DLGAP2: variants seen among roughly 807,000 people sequenced by gnomAD.
DLGAP2 encodes the protein DLG associated protein 2.
A neutral mutation model predicts 100.3 loss-of-function variants in DLGAP2; 26 were observed. The ratio of observed to expected loss-of-function variants is 0.26; its 90% CI spans 0.19 to 0.36. The LOEUF (loss-of-function observed/expected upper bound fraction) is 0.36. DLGAP2 is among the 10% of genes least tolerant of loss of function. The pLI is 1.00. For synonymous variants in DLGAP2, 886 were observed against 630.1 expected (o/e 1.41, Z -6.08); for missense variants, 1,858 against 1,453.2 (o/e 1.28, Z -4.53).
chr8:1,645,996 A>G (rs1798031951), intron 8 of DLGAP2, among the ~76,000 whole-genome samples: 1 of 152,286 alleles, frequency 6.6e-6, no homozygotes, highest in East Asian at 1.9e-4. Context: ...ATAATGCCGC[A>G]CAGTTCTCTG....
intron 3 of DLGAP2, among the ~76,000 whole-genome samples, chr8:1,499,723 T>C (rs7002098): frequency 6.6e-6 from 1 of 151,992 alleles, no homozygotes; most frequent in East Asian, 1.9e-4. Flanking sequence ...TGTGTTTTTT[T>C]AAAAGCTGTA....
chr8:971,334 C>T (rs1043132818), intron 2 of DLGAP2, among the ~76,000 whole-genome samples: 1 of 152,288 alleles, frequency 6.6e-6, no homozygotes, highest in African/African-American at 2.4e-5. Context: ...CACTGTTATC[C>T]TCCTCACAAG....
chr8:1,203,762 C>CACTGT (rs1289702494), intron 2 of DLGAP2, among the ~76,000 whole-genome samples: 1 of 152,194 alleles, frequency 6.6e-6, no homozygotes, highest in Admixed American at 6.5e-5. Flanking sequence ...GATGAAATAT[C>CACTGT]ACTGTTATTC....
At chr8:968,122 T>A (rs1480480460) in intron 2 of DLGAP2, among the ~76,000 whole-genome samples, 2 of 151,840 alleles carry the variant, frequency 1.3e-5, no homozygotes, top group East Asian at 2.0e-4. Context: ...AATTTTAATT[T>A]GGTGACTTCA....
chr8:1,143,285 T>C (rs549029025), intron 2 of DLGAP2, among the ~76,000 whole-genome samples: 6 of 152,304 alleles, frequency 3.9e-5, no homozygotes, highest in Admixed American at 3.9e-4. Flanking sequence ...CACTGAAACA[T>C]AGACATCCTA....
intron 2 of DLGAP2, among the ~76,000 whole-genome samples, chr8:1,204,277 A>G (rs1331107307): frequency 6.6e-6 from 1 of 152,244 alleles, no homozygotes; most frequent in Non-Finnish European, 1.5e-5. Context: ...AAACAGGATG[A>G]GACAATCTCA....
At chr8:1,117,043 T>A (rs917971287) in intron 2 of DLGAP2, among the ~76,000 whole-genome samples, 31 of 152,238 alleles carry the variant, frequency 2.0e-4, no homozygotes, top group African/African-American at 7.5e-4. Context: ...CCTGTGCTTC[T>A]CTGCAGGATC....
intron 1 of DLGAP2, among the ~76,000 whole-genome samples, chr8:761,174 C>G (rs1038482236): frequency 3.9e-5 from 6 of 152,176 alleles, no homozygotes; most frequent in Admixed American, 1.3e-4. Flanking sequence ...GGCCAGGCCC[C>G]TTCTCTGCTC....
At position 1,678,560 on chromosome 8, in the gene DLGAP2, A is replaced by T; in HGVS notation, c.2635A>T (p.Thr879Ser). 6.3e-7 allele frequency: 1 copy of T among 1,588,894 alleles called. No individual in the cohort carries two copies. Among genetic ancestry groups the T allele is most frequent in the Non-Finnish European group, 8.6e-7 (1 of 1,167,942 alleles). Residue 879 changes from threonine to serine, a missense_variant, in exon 12 of 15, where the codon ACA becomes TCA. Physicochemically the swap from Thr to Ser is moderately conservative, Grantham distance 58. Coordinates refer to ENST00000637795, the MANE Select transcript of DLGAP2 (RefSeq NM_001346810.2). Reference protein sequence around the residue: ...SWFLKLLHAETKRMEGWCKEM... With the variant: ...SWFLKLLHAESKRMEGWCKEM... ...GTTTTTGAAGCTGCTGCACGCAGAG[A>T]CAAAGAGGATGGAAGGCTGGTGCAA...
intron 2 of DLGAP2, among the ~76,000 whole-genome samples, chr8:967,565 A>G (rs1799902487): frequency 6.6e-6 from 1 of 151,630 alleles, no homozygotes; most frequent in Admixed American, 6.6e-5. Flanking sequence ...AGCAAGAGGA[A>G]AAGTTCAAAA....
At chr8:1,656,010 T>G (rs1381377943) in intron 8 of DLGAP2, among the ~76,000 whole-genome samples, 1 of 152,130 alleles carries the variant, frequency 6.6e-6, no homozygotes. Context: ...TGTAATGGTA[T>G]TTTAGGTGTT....
At chr8:1,000,085 G>A (rs1584960486) in intron 2 of DLGAP2, among the ~76,000 whole-genome samples, 1 of 143,994 alleles carries the variant, frequency 6.9e-6, no homozygotes, top group Non-Finnish European at 1.5e-5. Flanking sequence ...GGTGGAGGTG[G>A]TTTTCTTTTG....
intron 3 of DLGAP2, among the ~76,000 whole-genome samples, chr8:1,348,683 C>T (rs1382447953): frequency 6.6e-6 from 1 of 152,090 alleles, no homozygotes; most frequent in Non-Finnish European, 1.5e-5. Context: ...GTTGAGTGCC[C>T]AGCAGAGCTG....
At chr8:1,160,356 A>G (rs1384554046) in intron 2 of DLGAP2, among the ~76,000 whole-genome samples, 7 of 152,116 alleles carry the variant, frequency 4.6e-5, no homozygotes, top group African/African-American at 1.7e-4. Flanking sequence ...GCCCCGCCCC[A>G]AACTCGGGGC....
At chr8:1,291,772 C>T (rs1012434663) in intron 3 of DLGAP2, among the ~76,000 whole-genome samples, 5 of 152,100 alleles carry the variant, frequency 3.3e-5, no homozygotes, top group Admixed American at 1.3e-4. Context: ...ATTGAGCCCC[C>T]GGGGGCCAGT....
At chr8:908,574 A>T (rs1798425064) in intron 2 of DLGAP2, among the ~76,000 whole-genome samples, 2 of 152,214 alleles carry the variant, frequency 1.3e-5, no homozygotes, top group South Asian at 4.1e-4. Context: ...GAGAAAAAGA[A>T]GGTCTAAAAA....
chr8:1,256,782 A>G (rs1035465942), intron 2 of DLGAP2, among the ~76,000 whole-genome samples: 1 of 152,136 alleles, frequency 6.6e-6, no homozygotes, highest in African/African-American at 2.4e-5. Flanking sequence ...TTCCAGGTCA[A>G]CTAAACCTGA....
intron 1 of DLGAP2, among the ~76,000 whole-genome samples, chr8:780,715 G>GA (rs1821660236): frequency 6.6e-6 from 1 of 152,214 alleles, no homozygotes; most frequent in Non-Finnish European, 1.5e-5. Context: ...TGGCAATTTG[G>GA]AAACTCACAG....
intron 8 of DLGAP2, among the ~76,000 whole-genome samples, chr8:1,667,254 G>C (rs1229035140): frequency 1.3e-5 from 2 of 152,236 alleles, no homozygotes; most frequent in African/African-American, 4.8e-5. Flanking sequence ...TATAGCCTGA[G>C]TCCAGGCCAA....
Sources: gnomAD v4.1 joint callset for allele counts (sites outside exome capture counted in the v4.1 genomes callset) on GRCh38, gnomAD v4.1.1 for gene constraint, MANE v1.5 for transcripts, NCBI Gene and HGNC (gene_info 2026-07-23, HGNC 2026-07-21) for gene names.